TTC6: variants seen among roughly 807,000 people sequenced by gnomAD.
The protein encoded by TTC6 is tetratricopeptide repeat domain 6.
Under a neutral mutation model 210.4 loss-of-function variants are expected in TTC6, and 172 were observed. That is an observed-to-expected ratio of 0.82 (90% CI 0.72 to 0.93). TTC6 has a LOEUF of 0.93. TTC6 is among the 40% of genes least tolerant of loss of function. TTC6 has a pLI of 0.00. For missense variants in TTC6, 2,414 were observed against 2,318.1 expected (o/e 1.04, Z -0.85); for synonymous variants, 804 against 819.6 (o/e 0.98, Z 0.32).
In TTC6 at chr14:37,598,027, T is replaced by C. The variant is rs1370107780; in HGVS notation, c.-235+2019T>C. On this transcript the variant is annotated intron_variant, in intron 1 of 2. Coordinates refer to the TTC6 transcript ENST00000556845. The surrounding 1 kb of genome is among the most constrained non-coding windows in gnomAD (Gnocchi z 4.9). ...AATCAGCAGGGTCGTGTTGGGTCTT[T>C]GACTTGGAAATGCATACATACATAC... 2.0e-5 allele frequency among the ~76,000 whole-genome samples: 3 copies of C among 152,318 alleles called. No individual in the cohort carries two copies. The highest frequency in any genetic ancestry group is 2.1e-4 in the South Asian group (1 of 4,826).
intron 14 of TTC6, among the ~76,000 whole-genome samples, chr14:37,778,405 T>C (rs192188333): frequency 4.0e-4 from 57 of 142,268 alleles, no homozygotes; most frequent in African/African-American, 1.3e-3. Context: ...CTAGGGGTGG[T>C]GCTGCTGATC....
intron 19 of TTC6, 29 bp from the exon 22 acceptor site, chr14:37,796,758 G>C: frequency 6.3e-7 from 1 of 1,581,624 alleles, no homozygotes; most frequent in Non-Finnish European, 8.6e-7. Flanking sequence ...ACTTGGCAAA[G>C]ATATTGATAA....
intron 14 of TTC6, among the ~76,000 whole-genome samples, chr14:37,762,797 C>A (rs955973730): frequency 6.6e-6 from 1 of 151,718 alleles, no homozygotes; most frequent in Admixed American, 6.6e-5. Context: ...TTTATTTACA[C>A]GTGTTGAACC....
exon 5 of TTC6, chr14:37,701,494 T>C (rs2095825344): frequency 6.6e-7 from 1 of 1,512,666 alleles, no homozygotes; most frequent in Non-Finnish European, 8.8e-7. Flanking sequence ...CTTTCTTAGA[T>C]GATCGCTTTA....
chr14:37,663,162 G>A (rs574487687), intron 1 of TTC6, among the ~76,000 whole-genome samples: 140 of 151,966 alleles, frequency 9.2e-4, no homozygotes, highest in Non-Finnish European at 1.6e-3. Context: ...TTGTGGTAAC[G>A]GTGAATGGGA....
At chr14:37,768,610 G>A (rs978758028) in intron 14 of TTC6, among the ~76,000 whole-genome samples, 2 of 150,500 alleles carry the variant, frequency 1.3e-5, no homozygotes, top group Non-Finnish European at 1.5e-5. Context: ...TTTGTCTGTT[G>A]TTGGTGTATA....
rs147359348 is a variant in TTC6, at chr14:37,823,905, A to T, written c.4922A>T (p.His1641Leu). Residue 1641 changes from histidine to leucine, a missense_variant, in exon 27 of 31, where the codon CAT becomes CTT. By Grantham distance (99) the His-to-Leu change is moderately conservative. Transcript: ENST00000553443. ...CAGAAAGACTTTCTGAAAGCACTGC[A>T]TATTAATCCAGCATACATAAAAGCC... 2,333 of 1,613,934 alleles carry T rather than the reference A, an allele frequency of 1.4e-3. 3 individuals are homozygous for T. Among genetic ancestry groups the T allele is most frequent in the Non-Finnish European group, 1.7e-3 (2,042 of 1,179,938 alleles).
intron 1 of TTC6, among the ~76,000 whole-genome samples, chr14:37,629,361 T>C (rs974466412): frequency 6.6e-6 from 1 of 152,220 alleles, no homozygotes; most frequent in South Asian, 2.1e-4. Flanking sequence ...TTTTTTTCTT[T>C]GCAGCATTTG....
At chr14:37,664,889 AT>A (rs752304621) in intron 1 of TTC6, among the ~76,000 whole-genome samples, 1 of 150,780 alleles carries the variant, frequency 6.6e-6, no homozygotes, top group Non-Finnish European at 1.5e-5. Context: ...CAGCAAACTT[AT>A]GGAAAAGAGC....
At chr14:37,837,269 CT>C (rs1167648098) in intron 29 of TTC6, 1 of 372,576 alleles carries the variant, frequency 2.7e-6, no homozygotes, top group Non-Finnish European at 5.3e-6. Context: ...ATAATTGTGT[CT>C]TCTTTATTGA....
intron 14 of TTC6, among the ~76,000 whole-genome samples, chr14:37,783,416 A>G (rs980957733): frequency 4.6e-5 from 7 of 151,816 alleles, no homozygotes; most frequent in Non-Finnish European, 7.4e-5. Flanking sequence ...GTTTATTTGC[A>G]TAGAGATGTT....
intron 26 of TTC6, among the ~76,000 whole-genome samples, chr14:37,818,046 C>G (rs1310571509): frequency 6.6e-6 from 1 of 152,088 alleles, no homozygotes; most frequent in Non-Finnish European, 1.5e-5. Flanking sequence ...TATAAAGTCT[C>G]TTTCCTGGAA....
chr14:37,796,361 A>G, exon 19 of TTC6: 2 of 1,201,660 alleles, frequency 1.7e-6, no homozygotes, highest in Non-Finnish European at 2.4e-6. Flanking sequence ...AATAGCAGAA[A>G]TGGACAAAGG....
chr14:37,761,284 G>C (rs2095983725), intron 14 of TTC6, among the ~76,000 whole-genome samples: 1 of 151,728 alleles, frequency 6.6e-6, no homozygotes, highest in Admixed American at 6.6e-5. Flanking sequence ...TCCCAGGTGA[G>C]GCAACACCCC....
chr14:37,620,039 T>C (rs1469611382), upstream of TTC6, among the ~76,000 whole-genome samples: 1 of 152,142 alleles, frequency 6.6e-6, no homozygotes, highest in Non-Finnish European at 1.5e-5. Flanking sequence ...TTCAGTACAT[T>C]TTTTTGTTAG....
intron 3 of TTC6, among the ~76,000 whole-genome samples, chr14:37,690,234 A>G (rs1299273056): frequency 6.6e-6 from 1 of 152,186 alleles, no homozygotes; most frequent in African/African-American, 2.4e-5. Flanking sequence ...CAGATACACA[A>G]AAAATAAAAA....
chr14:37,670,474 C>CCTTTTTTTTTTTTTTTTTTTTTTTT, intron 1 of TTC6, among the ~76,000 whole-genome samples: 1 of 121,326 alleles, frequency 8.2e-6, no homozygotes, highest in Non-Finnish European at 1.7e-5. Flanking sequence ...AACTACCTCA[C>CCTTTTTTTTTTTTTTTTTTTTTTTT]TTTTTTTTTT....
intron 20 of TTC6, 120 bp downstream of exon 22, chr14:37,797,067 T>A: frequency 1.0e-6 from 1 of 976,552 alleles, no homozygotes; most frequent in Non-Finnish European, 1.4e-6. Flanking sequence ...TTCTGTGAAT[T>A]AACATTTGGG....
rs1442265911 is a variant in TTC6 at position 37,724,885 on chromosome 14, G to A, written c.1714-13G>A. The A allele has an allele frequency of 6.9e-7, 1 of 1,458,902 alleles. No individual in the cohort carries two copies. Among genetic ancestry groups the A allele is most frequent in the African/African-American group, 1.4e-5 (1 of 71,486 alleles). The allele number at this position is 1,458,902 out of a possible 1,614,324, so 90.4% of individuals were successfully genotyped here. On this transcript the variant is annotated splice_polypyrimidine_tract_variant and intron_variant, in intron 6 of 30. Coordinates refer to ENST00000553443, the Ensembl canonical transcript of TTC6. ...CTTACCATTTCTAATAACCTTTTAT[G>A]TTATTTTCAAAGATGTATGCTTATC... is the stretch of plus-strand genomic sequence containing the variant.
Sources: allele counts gnomAD v4.1 joint callset (sites outside exome capture counted in the v4.1 genomes callset), GRCh38; gene constraint gnomAD v4.1.1; non-coding constraint Gnocchi (gnomAD v3.1); transcripts MANE v1.5; gene names NCBI Gene and HGNC (gene_info 2026-07-23, HGNC 2026-07-21).